MGRN1: variants seen among roughly 807,000 people sequenced by gnomAD.
MGRN1 encodes E3 ubiquitin-protein ligase MGRN1.
Under a neutral mutation model 69.2 loss-of-function variants are expected in MGRN1, and 29 were observed. That is an observed-to-expected ratio of 0.42 (90% CI 0.31 to 0.57). The LOEUF (loss-of-function observed/expected upper bound fraction) is 0.57, where lower values mean the gene tolerates loss of function less well. Ranked by LOEUF, MGRN1 falls within the 20% of genes least tolerant of loss-of-function variation. The pLI is 0.15. For synonymous variants in MGRN1, 470 were observed against 344.2 expected, an observed-to-expected ratio of 1.37 and a Z score of -4.04; for missense variants, 998 against 796.2, an observed-to-expected ratio of 1.25 and a Z score of -3.05.
chr16:4,672,052 C>G (rs541242318), intron 9 of MGRN1, among the ~76,000 whole-genome samples: 1 of 152,008 alleles, frequency 6.6e-6, no homozygotes, highest in Non-Finnish European at 1.5e-5. Flanking sequence ...ACCACAGGCA[C>G]GCGCCACCAC....
intron 8 of MGRN1, among the ~76,000 whole-genome samples, chr16:4,670,719 G>A (rs1396341530): frequency 6.6e-6 from 1 of 152,160 alleles, no homozygotes; most frequent in Non-Finnish European, 1.5e-5. Flanking sequence ...AAACAAAAGA[G>A]AGGTGCAGCA....
chr16:4,687,672 C>T (rs2079362993), intron 16 of MGRN1: 2 of 985,394 alleles, frequency 2.0e-6, no homozygotes, highest in Non-Finnish European at 2.4e-6. Flanking sequence ...ATTGGGGACC[C>T]TCTGCCTTCC....
chr16:4,669,972 G>GT (rs144825154), intron 8 of MGRN1, among the ~76,000 whole-genome samples: 47,346 of 151,818 alleles, frequency 0.31, 8,953 homozygotes, highest in East Asian at 0.64. Context: ...CGTGTGTACT[G>GT]TTGGGGCGCA....
chr16:4,680,113 T>G lies in MGRN1; in HGVS notation c.1131+16T>G. 1 of 1,612,956 alleles carries G rather than the reference T, an allele frequency of 6.2e-7. No homozygotes were observed. On this transcript the variant is annotated intron_variant, in intron 12 of 16. Transcript: ENST00000262370. ...AAGGGAAACAGTAAGTGTCTGGTCC[T>G]CCGGCTACGTTTTTTTGCCCCCGCC... is the stretch of plus-strand genomic sequence containing the variant.
chr16:4,652,095 G>A (rs200810817), intron 3 of MGRN1, 44 bp downstream of exon 3: 34 of 1,572,326 alleles, frequency 2.2e-5, no homozygotes, highest in East Asian at 9.1e-5. Context: ...TCTGTGGGGC[G>A]CAGCCTGTGG....
chr16:4,682,758 T>C lies in MGRN1; in HGVS notation c.1359-65T>C, dbSNP rs1012712119. The C allele has an allele frequency of 4.9e-6, 7 of 1,442,518 alleles. No individual in the cohort carries two copies. In the African/African-American group the frequency reaches 1.0e-4, roughly 21 times the overall value. The allele number at this position is 1,442,518 out of a possible 1,614,324, so 89.4% of individuals were successfully genotyped here. A position where few individuals can be genotyped will look rare whatever the true frequency, so the allele number is the denominator to read the frequency against. ...GGGCCCCCAGGTGCCCTGCATGGCT[T>C]TGGCAGGGTTAGCCTTCCTTGTCGT... On this transcript the variant is annotated intron_variant, in intron 13 of 16. Transcript: ENST00000262370.
In MGRN1 at chr16:4,688,842, C is replaced by T. The variant is rs1430144638; in HGVS notation, c.1665C>T (p.Ser555=). ...CGGCCCACGGCCTCGCCACCACCAG[C>T]CCCACCTGGCCTCCACTTGGTGGCC... ...METAHGLATT[S]PTWPPLGGPS... Residue 555 remains serine, a synonymous_variant, in exon 17 of 17, where the codon AGC becomes AGT. Coordinates refer to ENST00000262370, the MANE Select transcript of MGRN1 (RefSeq NM_015246.4). 1.9e-6 allele frequency: 3 copies of T among 1,554,578 alleles called. No homozygotes were observed. The highest frequency in any genetic ancestry group is 1.7e-6 in the Non-Finnish European group (2 of 1,148,830).
intron 1 of MGRN1, among the ~76,000 whole-genome samples, chr16:4,633,259 G>A (rs1898099635): frequency 6.6e-6 from 1 of 151,626 alleles, no homozygotes; most frequent in Admixed American, 6.6e-5. Flanking sequence ...CGTGGTGGTG[G>A]GTGCCCATAA....
At chr16:4,678,992 T>TTAAAATCTGACA in intron 11 of MGRN1, among the ~76,000 whole-genome samples, 1 of 152,346 alleles carries the variant, frequency 6.6e-6, no homozygotes, top group Middle Eastern at 3.4e-3. Context: ...GGTTTGTCTT[T>TTAAAATCTGACA]TAAAATCTGA....
chr16:4,672,478 A>C, intron 9 of MGRN1: 1 of 456,704 alleles, frequency 2.2e-6, no homozygotes, highest in Non-Finnish European at 4.4e-6. Context: ...ACGTGGCGGG[A>C]GCGGAGCACC....
chr16:4,681,505 G>A, intron 12 of MGRN1, 45 bp from the exon 13 acceptor site: 1 of 1,558,898 alleles, frequency 6.4e-7, no homozygotes, highest in Non-Finnish European at 8.8e-7. Flanking sequence ...CTGGGGAGCA[G>A]GTGGTCCCTG....
intron 11 of MGRN1, among the ~76,000 whole-genome samples, chr16:4,679,481 C>G (rs1380492153): frequency 6.6e-6 from 1 of 152,070 alleles, no homozygotes; most frequent in Admixed American, 6.6e-5. Flanking sequence ...TGTTGGAGCC[C>G]CTTCCACGTA....
intron 1 of MGRN1, among the ~76,000 whole-genome samples, chr16:4,643,516 C>T (rs534560260): frequency 6.6e-6 from 1 of 151,108 alleles, no homozygotes. Flanking sequence ...GGACTACAGG[C>T]GCGTGCCACC....
intron 10 of MGRN1, among the ~76,000 whole-genome samples, chr16:4,675,319 C>T (rs1260737929): frequency 6.6e-6 from 1 of 152,108 alleles, no homozygotes; most frequent in African/African-American, 2.4e-5. Context: ...CTATGTTGCC[C>T]AGCCTGGTCT....
intron 1 of MGRN1, among the ~76,000 whole-genome samples, chr16:4,631,906 G>GT (rs752844095): frequency 4.4e-5 from 4 of 91,458 alleles, no homozygotes; most frequent in African/African-American, 2.0e-4. Flanking sequence ...CTTCTCAGTT[G>GT]TTTTTTTTTT....
At chr16:4,670,847 C>T (rs1361257013) in intron 8 of MGRN1, among the ~76,000 whole-genome samples, 4 of 152,242 alleles carry the variant, frequency 2.6e-5, no homozygotes, top group Non-Finnish European at 5.9e-5. Flanking sequence ...AGTGGTGCTC[C>T]TGGCCCATGG....
intron 1 of MGRN1, among the ~76,000 whole-genome samples, chr16:4,639,526 C>G (rs2078111459): frequency 6.6e-6 from 1 of 152,170 alleles, no homozygotes; most frequent in African/African-American, 2.4e-5. Context: ...CCTGGGCTAC[C>G]TAGGATGGAA....
intron 7 of MGRN1, among the ~76,000 whole-genome samples, chr16:4,666,802 C>G (rs542409638): frequency 2.6e-5 from 4 of 152,334 alleles, no homozygotes; most frequent in African/African-American, 9.6e-5. Context: ...GTTGTTCCCA[C>G]TTGATGTTCA....
intron 1 of MGRN1, among the ~76,000 whole-genome samples, chr16:4,629,025 C>G (rs574155604): frequency 6.6e-6 from 1 of 151,568 alleles, no homozygotes; most frequent in Non-Finnish European, 1.5e-5. Context: ...TTAGTAGACA[C>G]GGGGTTTCAC....
Sources: allele counts gnomAD v4.1 joint callset (sites outside exome capture counted in the v4.1 genomes callset), GRCh38; gene constraint gnomAD v4.1.1; transcripts MANE v1.5; gene names NCBI Gene and HGNC (gene_info 2026-07-23, HGNC 2026-07-21).